THRAP3: variants seen among roughly 807,000 people sequenced by gnomAD.
THRAP3 encodes the protein thyroid hormone receptor associated protein 3, also known as thyroid hormone receptor-associated protein 3.
In THRAP3, 16 loss-of-function variants were observed where a neutral mutation model predicts 101.0. That is an observed-to-expected ratio of 0.16 (90% CI 0.11 to 0.24). The LOEUF is 0.24. THRAP3 is among the 10% of genes least tolerant of loss of function. The pLI is 1.00. For missense variants in THRAP3, 989 were observed against 1,202.7 expected, an observed-to-expected ratio of 0.82 and a Z score of 2.63; for synonymous variants, 407 against 422.6, an observed-to-expected ratio of 0.96 and a Z score of 0.45.
chr1:36,299,837 A>G (rs1646009353), intron 9 of THRAP3, among the ~76,000 whole-genome samples: 1 of 152,144 alleles, frequency 6.6e-6, no homozygotes, highest in Admixed American at 6.5e-5. Flanking sequence ...AAACCTCTTG[A>G]AATAGCACGG....
chr1:36,275,769 C>T (rs897624454), intron 2 of THRAP3, among the ~76,000 whole-genome samples: 2 of 151,976 alleles, frequency 1.3e-5, no homozygotes, highest in Non-Finnish European at 2.9e-5. Context: ...TGCCTGTAAT[C>T]CCAACACTTG....
chr1:36,254,705 C>G (rs1400141178), intron 1 of THRAP3, among the ~76,000 whole-genome samples: 1 of 152,114 alleles, frequency 6.6e-6, no homozygotes, highest in Non-Finnish European at 1.5e-5. Context: ...ATTGGAATTT[C>G]CCCAGCCCAG....
In THRAP3 at chr1:36,289,557, G is replaced by T. The variant is rs771918342; in HGVS notation, c.1538G>T (p.Arg513Met). 1 of 1,614,068 alleles carries T rather than the reference G, an allele frequency of 6.2e-7. No individual in the cohort carries two copies. The highest frequency in any genetic ancestry group is 8.5e-7 in the Non-Finnish European group (1 of 1,180,000). The change falls in exon 5 of 12, where the codon AGG (arginine) becomes ATG (methionine). Residue 513 changes from arginine to methionine, a missense_variant. Transcript: ENST00000354618. Reference sequence around the variant, plus strand: ...GGCAAGAGAAGCGAAGGTGGGCACAGGGGCTTTGTGCCTGAGAAGAATTTC... The same window carrying T: ...GGCAAGAGAAGCGAAGGTGGGCACATGGGCTTTGTGCCTGAGAAGAATTTC... ...DRGKRSEGGH[R>M]GFVPEKNFRV...
At chr1:36,297,929 G>A (rs1190405961) in intron 9 of THRAP3, among the ~76,000 whole-genome samples, 2 of 150,246 alleles carry the variant, frequency 1.3e-5, no homozygotes, top group East Asian at 2.0e-4. Flanking sequence ...GGAAGATCAC[G>A]TGGTCAGGAG....
chr1:36,258,075 G>A (rs1345362479), intron 1 of THRAP3, among the ~76,000 whole-genome samples: 32 of 152,152 alleles, frequency 2.1e-4, no homozygotes, highest in African/African-American at 7.0e-4. Flanking sequence ...TCTGGACCTC[G>A]TGATCCGCCC....
intron 7 of THRAP3, among the ~76,000 whole-genome samples, chr1:36,293,490 A>G (rs1645905128): frequency 6.6e-6 from 1 of 152,138 alleles, no homozygotes; most frequent in Non-Finnish European, 1.5e-5. Flanking sequence ...AGACTATTAC[A>G]TTTGGTTGTG....
chr1:36,253,393 A>G (rs1204557537), intron 1 of THRAP3, among the ~76,000 whole-genome samples: 2 of 152,186 alleles, frequency 1.3e-5, no homozygotes, highest in African/African-American at 2.4e-5. Context: ...TAAGGTTGGA[A>G]ATATGCTGGA....
intron 1 of THRAP3, among the ~76,000 whole-genome samples, chr1:36,228,684 GGCC>G (rs937373262): frequency 2.6e-5 from 4 of 152,174 alleles, no homozygotes; most frequent in Non-Finnish European, 4.4e-5. Context: ...CTTAATCTAT[GGCC>G]GGTGGACTCC....
chr1:36,275,514 G>A (rs558104817), intron 2 of THRAP3, among the ~76,000 whole-genome samples: 66 of 146,548 alleles, frequency 4.5e-4, no homozygotes, highest in Non-Finnish European at 8.3e-4. Context: ...GTGAACCCAG[G>A]AGGCGGAGCT....
intron 9 of THRAP3, among the ~76,000 whole-genome samples, chr1:36,299,203 G>T (rs1645998310): frequency 6.6e-6 from 1 of 152,094 alleles, no homozygotes; most frequent in Non-Finnish European, 1.5e-5. Context: ...CACTTTGGGA[G>T]GCTGAGGTGG....
At chr1:36,248,316 T>C (rs1204201975) in intron 1 of THRAP3, among the ~76,000 whole-genome samples, 1 of 152,264 alleles carries the variant, frequency 6.6e-6, no homozygotes, top group Non-Finnish European at 1.5e-5. Context: ...TTGAATACTT[T>C]TATTGTAGAG....
chr1:36,292,838 A>G (rs1365018740), intron 7 of THRAP3, 129 bp downstream of exon 7: 4 of 653,824 alleles, frequency 6.1e-6, no homozygotes, highest in Non-Finnish European at 1.1e-5. Flanking sequence ...TTCAGACTCT[A>G]AGAGAGCTAT....
At chr1:36,271,358 C>T (rs1465528942) in intron 2 of THRAP3, among the ~76,000 whole-genome samples, 2 of 151,318 alleles carry the variant, frequency 1.3e-5, no homozygotes, top group Non-Finnish European at 2.9e-5. Flanking sequence ...TCTCTGCTCA[C>T]TGCAACCTCC....
rs1025842419 is a variant in THRAP3 at position 36,286,389 on chromosome 1, A to G, written c.159A>G (p.Ser53=). ...CCAGTTCTAGGTCTCGTTCCAGATC[A>G]TATTCTCCAGCTCATAACAGAGAAA... ...RRLSSRSRSR[S]YSPAHNRERN... Residue 53 remains serine, a synonymous_variant, in exon 4 of 12, where the codon TCA becomes TCG. Transcript: ENST00000354618. The surrounding 1 kb of genome is among the most constrained non-coding windows in gnomAD (Gnocchi z 5.5). 19 of 1,597,160 alleles carry G rather than the reference A, an allele frequency of 1.2e-5. No individual in the cohort carries two copies. The highest frequency in any genetic ancestry group is 1.5e-5 in the Non-Finnish European group (18 of 1,173,928).
intron 4 of THRAP3, 103 bp from the exon 5 acceptor site, chr1:36,288,957 C>A: frequency 2.2e-6 from 3 of 1,385,606 alleles, no homozygotes; most frequent in Non-Finnish European, 9.4e-7. Flanking sequence ...ATCCATAAGA[C>A]ATGTTTTTTT....
intron 3 of THRAP3, 124 bp downstream of exon 3, chr1:36,282,824 G>A (rs1645751941): frequency 9.8e-7 from 1 of 1,018,848 alleles, no homozygotes; most frequent in Admixed American, 2.1e-5. Flanking sequence ...TTGAGGTGCA[G>A]GGTTGGGCTA....
rs1407222637 is a variant in THRAP3, at chr1:36,233,500, T to G, written c.-135+8995T>G. On this transcript the variant is annotated intron_variant, in intron 1 of 11. Coordinates refer to ENST00000354618, the MANE Select transcript of THRAP3 (RefSeq NM_005119.4). ...CAGCCTTCCAGCCTGGGTGACAGAG[T>G]GAGACTCCATCTCAAAAAAAAAAAA... 2.7e-5 allele frequency among the ~76,000 whole-genome samples: 4 copies of G among 147,696 alleles called. No individual in the cohort carries two copies. The East Asian group carries it at 8.0e-4, about 30-fold the overall frequency.
chr1:36,302,301 A>G (rs180782036), intron 11 of THRAP3, among the ~76,000 whole-genome samples: 1 of 152,352 alleles, frequency 6.6e-6, no homozygotes, highest in East Asian at 1.9e-4. Context: ...ACTAAGGTAA[A>G]GGAGCAGCTG....
intron 2 of THRAP3, among the ~76,000 whole-genome samples, chr1:36,281,338 CATTACTTTT>C (rs1393885440): frequency 6.6e-6 from 1 of 152,220 alleles, no homozygotes; most frequent in African/African-American, 2.4e-5. Context: ...CACATCTCCT[CATTACTTTT>C]ATTAACAGCT....
Sources: gnomAD v4.1 joint callset for allele counts (sites outside exome capture counted in the v4.1 genomes callset) on GRCh38, gnomAD v4.1.1 for gene constraint, Gnocchi (gnomAD v3.1) non-coding constraint, MANE v1.5 for transcripts, NCBI Gene and HGNC (gene_info 2026-07-23, HGNC 2026-07-21) for gene names.